The following DOCK5 variants were observed in gnomAD, a reference collection of about 807,000 sequenced individuals.
DOCK5 encodes the protein dedicator of cytokinesis 5.
Under a neutral mutation model 251.8 loss-of-function variants are expected in DOCK5, and 142 were observed. The ratio of observed to expected loss-of-function variants is 0.56; its 90% CI spans 0.49 to 0.65. DOCK5 has a LOEUF of 0.65. Ranked by LOEUF, DOCK5 falls within the 30% of genes least tolerant of loss-of-function variation. The pLI, the probability that DOCK5 is intolerant of heterozygous loss-of-function variation, is 0.00. For missense variants in DOCK5, 2,111 were observed against 2,312.3 expected (o/e 0.91, Z 1.79); for synonymous variants, 842 against 835.5 (o/e 1.01, Z -0.13).
At chr8:25,214,167 G>A (rs1016921327) in intron 1 of DOCK5, among the ~76,000 whole-genome samples, 13 of 152,164 alleles carry the variant, frequency 8.5e-5, no homozygotes, top group African/African-American at 2.9e-4. Flanking sequence ...TCAGATTTTG[G>A]AGCATTTTGG....
At chr8:25,185,055 G>A (rs534192150) in intron 1 of DOCK5, 104 bp downstream of exon 1, 44 of 1,216,700 alleles carry the variant, frequency 3.6e-5, no homozygotes, top group Non-Finnish European at 3.9e-5. Flanking sequence ...CCCTGGCCGG[G>A]GGCTCGGCCC....
At chr8:25,374,702 T>C (rs1177177646) in intron 37 of DOCK5, 48 bp downstream of exon 37, 2 of 1,613,372 alleles carry the variant, frequency 1.2e-6, no homozygotes, top group African/African-American at 2.7e-5. Flanking sequence ...TACAGTGTCC[T>C]TTCAGACTAA....
At chr8:25,376,238 A>T (rs1023957257) in intron 37 of DOCK5, 1 of 985,374 alleles carries the variant, frequency 1.0e-6, no homozygotes, top group Non-Finnish European at 1.2e-6. Context: ...TGGGAAACTC[A>T]GGAAGGTAAA....
chr8:25,341,918 A>G lies in DOCK5; in HGVS notation c.2510+109A>G, dbSNP rs1805965280. 15 of 850,196 alleles carry G rather than the reference A, an allele frequency of 1.8e-5. No individual in the cohort carries two copies. The South Asian group carries it at 2.6e-4, about 15-fold the overall frequency. The allele number at this position is 850,196 out of a possible 1,614,324, so 52.7% of individuals were successfully genotyped here. On this transcript the variant is annotated intron_variant, in intron 24 of 51. Coordinates refer to ENST00000276440, the MANE Select transcript of DOCK5 (RefSeq NM_024940.8). Reference sequence around the variant, plus strand: ...GCTTTTATTTTTCTAAGAAGTATTAACTGAATACCTTTTTGTGCTCAGTTC... The same window carrying G: ...GCTTTTATTTTTCTAAGAAGTATTAGCTGAATACCTTTTTGTGCTCAGTTC...
chr8:25,347,965 TA>T (rs1241485726), intron 26 of DOCK5, among the ~76,000 whole-genome samples: 1 of 152,256 alleles, frequency 6.6e-6, no homozygotes, highest in Admixed American at 6.5e-5. Flanking sequence ...GTTAGCTTTT[TA>T]TTTTGGTATT....
intron 45 of DOCK5, chr8:25,395,992 G>A (rs1801339167): frequency 6.0e-6 from 3 of 498,694 alleles, no homozygotes. Flanking sequence ...TCTCCCCTGA[G>A]GGTTATACAA....
intron 1 of DOCK5, among the ~76,000 whole-genome samples, chr8:25,216,136 C>CTATATGTG (rs1802239635): frequency 1.3e-5 from 2 of 150,234 alleles, no homozygotes; most frequent in African/African-American, 4.9e-5. Flanking sequence ...TACAATATGT[C>CTATATGTG]TATACGTGTA....
chr8:25,299,039 C>T lies in DOCK5; in HGVS notation c.702C>T (p.Asn234=), dbSNP rs1804689554. The change falls in exon 8 of 52, where the codon AAC becomes AAT. Residue 234 remains asparagine (N), a synonymous_variant. Coordinates refer to ENST00000276440, the MANE Select transcript of DOCK5 (RefSeq NM_024940.8). ...LYVNFKNFVC[N]IGEDAELFMA... is the part of the protein sequence containing the mutation. ...TGAACTTCAAGAACTTTGTCTGCAA[C>T]ATCGGGGAAGATGCAGAGTTGTTTA... 1.9e-6 allele frequency: 3 copies of T among 1,613,918 alleles called. No individual in the cohort carries two copies. The highest frequency in any genetic ancestry group is 1.7e-6 in the Non-Finnish European group (2 of 1,179,868).
chr8:25,307,796 C>T (rs769726949), intron 11 of DOCK5, among the ~76,000 whole-genome samples: 1 of 152,162 alleles, frequency 6.6e-6, no homozygotes, highest in African/African-American at 2.4e-5. Flanking sequence ...AGCCAACAGC[C>T]GCAGTGGAGT....
rs1280517536 is a variant in DOCK5, at chr8:25,412,963, A to G, written c.*1665A>G. On this transcript the variant is annotated 3_prime_UTR_variant, in exon 52 of 52. Coordinates refer to ENST00000276440, the MANE Select transcript of DOCK5 (RefSeq NM_024940.8). ...AAAAGGTGATCCTTTACCCCCACCC[A>G]GGAAAACCTGCATTGTGCTAGCATG... 3 of 152,220 alleles carry G rather than the reference A, an allele frequency of 2.0e-5. No homozygotes were observed. Among genetic ancestry groups the G allele is most frequent in the Non-Finnish European group, 4.4e-5 (3 of 68,038 alleles). The allele number at this position is 152,220 out of a possible 1,614,324, so 9.4% of individuals were successfully genotyped here. A position where few individuals can be genotyped will look rare whatever the true frequency, so the allele number is the denominator to read the frequency against.
chr8:25,208,376 G>A (rs1313123305), intron 1 of DOCK5, among the ~76,000 whole-genome samples: 2 of 152,160 alleles, frequency 1.3e-5, no homozygotes, highest in East Asian at 1.9e-4. Flanking sequence ...CTATCAAATA[G>A]CATCACATGC....
chr8:25,245,541 CT>C (rs572702332), intron 2 of DOCK5, among the ~76,000 whole-genome samples: 415 of 132,240 alleles, frequency 3.1e-3, no homozygotes, highest in East Asian at 8.4e-3. Flanking sequence ...GTGCAAAGTT[CT>C]TTTTTTTTTT....
At chr8:25,368,418 T>C (rs1271452751) in intron 32 of DOCK5, among the ~76,000 whole-genome samples, 153 bp from the exon 33 acceptor site, 1 of 152,274 alleles carries the variant, frequency 6.6e-6, no homozygotes, top group Non-Finnish European at 1.5e-5. Flanking sequence ...TGTCTCTTAC[T>C]CTGGCATCCA....
intron 47 of DOCK5, 112 bp from the exon 48 acceptor site, chr8:25,403,446 C>A (rs1801471220): frequency 8.8e-7 from 1 of 1,130,062 alleles, no homozygotes; most frequent in African/African-American, 1.6e-5. Context: ...GTGCCAGCCA[C>A]ATAACCAGTA....
chr8:25,285,726 G>A (rs554166959), intron 5 of DOCK5, among the ~76,000 whole-genome samples: 1 of 152,310 alleles, frequency 6.6e-6, no homozygotes, highest in East Asian at 1.9e-4. Flanking sequence ...AATCTCTGAA[G>A]TACAATTAAG....
chr8:25,289,067 G>C (rs188403291), intron 5 of DOCK5, among the ~76,000 whole-genome samples: 1 of 149,896 alleles, frequency 6.7e-6, no homozygotes, highest in Admixed American at 6.8e-5. Context: ...CTTGTGTTAG[G>C]GTTTCAACAC....
intron 25 of DOCK5, among the ~76,000 whole-genome samples, chr8:25,344,417 G>T (rs1800320708): frequency 6.6e-6 from 1 of 152,144 alleles, no homozygotes; most frequent in Admixed American, 6.5e-5. Context: ...TATATTGCCT[G>T]GAGATCTGAA....
intron 16 of DOCK5, among the ~76,000 whole-genome samples, 178 bp from the exon 17 acceptor site, chr8:25,323,670 T>C (rs976021682): frequency 1.3e-5 from 2 of 152,072 alleles, no homozygotes; most frequent in Non-Finnish European, 2.9e-5. Flanking sequence ...GAGAGCATAC[T>C]TGGGGGTGCC....
Position 25,341,062 on chromosome 8 carries a change from C to T in DOCK5, c.2439+74C>T, listed in dbSNP as rs967638307. 9.2e-6 allele frequency: 10 copies of T among 1,081,234 alleles called. No homozygotes were observed. The African/African-American group carries it at 1.6e-4, about 17-fold the overall frequency. The allele number at this position is 1,081,234 out of a possible 1,614,324, so 67.0% of individuals were successfully genotyped here. A position where few individuals can be genotyped will look rare whatever the true frequency, so the allele number is the denominator to read the frequency against. ...TGTTCTGGGACCGCTTAGAATTGGC[C>T]ATCATGAGGGAGAAACAAAGTGAAT... On this transcript the variant is annotated intron_variant, in intron 23 of 51. Transcript: ENST00000276440.
Sources: gnomAD v4.1 joint callset for allele counts (sites outside exome capture counted in the v4.1 genomes callset) on GRCh38, gnomAD v4.1.1 for gene constraint, MANE v1.5 for transcripts, NCBI Gene and HGNC (gene_info 2026-07-23, HGNC 2026-07-21) for gene names.